Variants in IQGAP2 observed in about 807,000 individuals in gnomAD.
IQGAP2 encodes the protein IQ motif containing GTPase activating protein 2.
A neutral mutation model predicts 201.3 loss-of-function variants in IQGAP2; 173 were observed. That is an observed-to-expected ratio of 0.86 (90% confidence interval 0.76 to 0.98). IQGAP2 has a LOEUF of 0.98. Ranked by LOEUF, IQGAP2 falls within the 50% of genes least tolerant of loss-of-function variation. IQGAP2 has a pLI of 0.00. For missense variants in IQGAP2, 1,687 were observed against 1,864.8 expected (o/e 0.90, Z 1.76); for synonymous variants, 675 against 673.9 (o/e 1.00, Z -0.03).
chr5:76,573,403 G>A (rs7735600), intron 4 of IQGAP2, among the ~76,000 whole-genome samples: 73,138 of 152,058 alleles, frequency 0.48, 18,112 homozygotes, highest in South Asian at 0.63. Context: ...TGCTTACTCT[G>A]TGCTCAGTAT....
rs554037208 is a variant in IQGAP2, at chr5:76,470,885, G to C, written c.146+9216G>C. Among the ~76,000 whole-genome samples, 5 of 152,230 alleles carry C rather than the reference G, an allele frequency of 3.3e-5. No individual in the cohort carries two copies. The South Asian group carries it at 1.0e-3, about 32-fold the overall frequency. On this transcript the variant is annotated intron_variant, in intron 2 of 35. Coordinates refer to ENST00000274364, the MANE Select transcript of IQGAP2 (RefSeq NM_006633.5). The stretch of plus-strand genomic sequence containing the variant: ...TGCTGAAATGAAACTGTACAGACAA[G>C]TCTACTACTAATATGGGCTTTGAAA...
At chr5:76,523,771 C>A (rs149204952) in intron 2 of IQGAP2, among the ~76,000 whole-genome samples, 1 of 152,138 alleles carries the variant, frequency 6.6e-6, no homozygotes, top group African/African-American at 2.4e-5. Flanking sequence ...GATTAATAAT[C>A]GCATTTCTTT....
At chr5:76,413,476 TA>T (rs1751249220) in intron 1 of IQGAP2, among the ~76,000 whole-genome samples, 1 of 152,246 alleles carries the variant, frequency 6.6e-6, no homozygotes, top group Non-Finnish European at 1.5e-5. Flanking sequence ...ACTCTAGCCC[TA>T]TTTTCTCTTC....
At chr5:76,668,011 C>T (rs1285271157) in intron 22 of IQGAP2, among the ~76,000 whole-genome samples, 1 of 151,376 alleles carries the variant, frequency 6.6e-6, no homozygotes, top group Non-Finnish European at 1.5e-5. Context: ...TCTTGAGTAG[C>T]AGGGACTGCA....
chr5:76,481,011 A>G (rs1161382645), intron 2 of IQGAP2, among the ~76,000 whole-genome samples: 5 of 150,098 alleles, frequency 3.3e-5, no homozygotes, highest in African/African-American at 1.3e-4. Flanking sequence ...AGGAAGGTCA[A>G]TAAGGCCCTA....
chr5:76,403,937 C>G lies in IQGAP2; in HGVS notation c.46+346C>G, dbSNP rs1454406306. On this transcript the variant is annotated intron_variant, in intron 1 of 35. Coordinates refer to ENST00000274364, the MANE Select transcript of IQGAP2 (RefSeq NM_006633.5). The surrounding 1 kb of genome is among the most constrained non-coding windows in gnomAD (Gnocchi z 4.8). ...CCGCGGAGCTCCGGGTCGCCGCCGG[C>G]TTGGGCCAGGGGGTGGCGTAAGGCA... 6.6e-6 allele frequency among the ~76,000 whole-genome samples: 1 copy of G among 152,202 alleles called. No homozygotes were observed. Among genetic ancestry groups the G allele is most frequent in the African/African-American group, 2.4e-5 (1 of 41,460 alleles).
intron 2 of IQGAP2, among the ~76,000 whole-genome samples, chr5:76,490,668 G>C (rs1310612001): frequency 1.3e-5 from 2 of 152,026 alleles, no homozygotes; most frequent in Non-Finnish European, 2.9e-5. Flanking sequence ...AAGCTATTTT[G>C]TTGTCATTGT....
intron 23 of IQGAP2, 63 bp from the exon 24 acceptor site, chr5:76,671,696 A>G: frequency 5.7e-6 from 7 of 1,238,004 alleles, no homozygotes; most frequent in South Asian, 1.5e-5. Context: ...GGGGAAAAAA[A>G]AAAAAAAAAA....
intron 30 of IQGAP2, among the ~76,000 whole-genome samples, chr5:76,687,038 C>T (rs1013858287): frequency 2.6e-5 from 4 of 152,172 alleles, no homozygotes; most frequent in African/African-American, 4.8e-5. Context: ...TTTTGAAATA[C>T]GGAAGTCCTC....
intron 35 of IQGAP2, among the ~76,000 whole-genome samples, chr5:76,705,590 A>G (rs1747816080): frequency 6.6e-6 from 1 of 152,244 alleles, no homozygotes; most frequent in Non-Finnish European, 1.5e-5. Flanking sequence ...TCCCAGAGGA[A>G]AAGTGAATCT....
At chr5:76,595,768 AAGAGAGAG>A (rs142088212) in intron 9 of IQGAP2, among the ~76,000 whole-genome samples, 126 of 144,294 alleles carry the variant, frequency 8.7e-4, no homozygotes, top group Middle Eastern at 3.6e-3. Context: ...CAAAAAAAGA[AAGAGAGAG>A]AGAGAGAGAG....
At chr5:76,421,914 C>T (rs961484665) in intron 1 of IQGAP2, among the ~76,000 whole-genome samples, 2 of 152,158 alleles carry the variant, frequency 1.3e-5, no homozygotes, top group Admixed American at 1.3e-4. Flanking sequence ...GTCTTAACTT[C>T]CCTAGCTCAT....
intron 21 of IQGAP2, among the ~76,000 whole-genome samples, chr5:76,662,446 T>C (rs1401693190): frequency 6.6e-6 from 1 of 152,186 alleles, no homozygotes; most frequent in African/African-American, 2.4e-5. Context: ...AACCAGAAGA[T>C]GAAGTCTGCA....
At chr5:76,513,414 G>C (rs1758109082) in intron 2 of IQGAP2, among the ~76,000 whole-genome samples, 1 of 152,240 alleles carries the variant, frequency 6.6e-6, no homozygotes, top group African/African-American at 2.4e-5. Flanking sequence ...ATCTTGAACA[G>C]TGGTAAAATC....
At chr5:76,604,658 T>A (rs1747673263) in intron 11 of IQGAP2, among the ~76,000 whole-genome samples, 1 of 152,208 alleles carries the variant, frequency 6.6e-6, no homozygotes, top group Non-Finnish European at 1.5e-5. Context: ...GGGATGCCCA[T>A]AAGGACTTTG....
In IQGAP2 at chr5:76,674,599, A is replaced by T; in HGVS notation, c.3417A>T (p.Gly1139=). 6.2e-7 allele frequency: 1 copy of T among 1,614,114 alleles called. No individual in the cohort carries two copies. The highest frequency in any genetic ancestry group is 8.5e-7 in the Non-Finnish European group (1 of 1,179,986). ...QINSDQRRNL[G]SVAKVLQHAA... ...ATTCTGACCAAAGGAGAAACTTAGG[A>T]TCAGTGGCCAAGGTTCTTCAGCACG... Residue 1139 remains glycine (G), a synonymous_variant, in exon 27 of 36, where the codon GGA becomes GGT. Coordinates refer to ENST00000274364, the MANE Select transcript of IQGAP2 (RefSeq NM_006633.5).
At chr5:76,602,461 C>T (rs1747493580) in intron 11 of IQGAP2, among the ~76,000 whole-genome samples, 1 of 152,212 alleles carries the variant, frequency 6.6e-6, no homozygotes, top group Admixed American at 6.5e-5. Context: ...TACAAATACC[C>T]TTAAAGAAGT....
At chr5:76,650,248 T>A (rs1752411894) in intron 17 of IQGAP2, among the ~76,000 whole-genome samples, 1 of 152,244 alleles carries the variant, frequency 6.6e-6, no homozygotes, top group Non-Finnish European at 1.5e-5. Flanking sequence ...TTATATAAGT[T>A]TGTATTTGTA....
intron 2 of IQGAP2, among the ~76,000 whole-genome samples, chr5:76,536,204 G>T (rs1285402640): frequency 1.3e-5 from 2 of 151,284 alleles, no homozygotes; most frequent in Non-Finnish European, 2.9e-5. Flanking sequence ...AAGTAGCTGG[G>T]ATTACAGGTG....
Sources: gnomAD v4.1 joint callset for allele counts (sites outside exome capture counted in the v4.1 genomes callset) on GRCh38, gnomAD v4.1.1 for gene constraint, Gnocchi (gnomAD v3.1) non-coding constraint, MANE v1.5 for transcripts, NCBI Gene and HGNC (gene_info 2026-07-23, HGNC 2026-07-21) for gene names.